The following VANGL1 variants were observed in gnomAD, a reference collection of about 807,000 sequenced individuals.
VANGL1 encodes the protein vang-like protein 1.
In VANGL1, 18 loss-of-function variants were observed where a neutral mutation model predicts 48.4. The observed-to-expected ratio is 0.37, with a 90% CI of 0.26 to 0.55. The LOEUF is 0.55. Ranked by LOEUF, VANGL1 falls within the 20% of genes least tolerant of loss-of-function variation. The probability of loss-of-function intolerance (pLI) is 0.81; values close to 1 mark genes in which losing one functional copy is unlikely to be tolerated. For missense variants in VANGL1, 667 were observed against 675.8 expected (o/e 0.99, Z 0.14); for synonymous variants, 257 against 261.8 (o/e 0.98, Z 0.18).
At chr1:115,663,198 A>C (rs894052232) in intron 3 of VANGL1, among the ~76,000 whole-genome samples, 18 of 152,290 alleles carry the variant, frequency 1.2e-4, no homozygotes, top group African/African-American at 4.1e-4. Flanking sequence ...AGGGTGTAGT[A>C]ATACTCCCAC....
intron 4 of VANGL1, among the ~76,000 whole-genome samples, chr1:115,678,324 G>A (rs1557772702): frequency 6.6e-6 from 1 of 152,216 alleles, no homozygotes; most frequent in Non-Finnish European, 1.5e-5. Context: ...AGGAATCAAG[G>A]CAAGAGGAAT....
intron 7 of VANGL1, among the ~76,000 whole-genome samples, chr1:115,687,179 T>C (rs1368332008): frequency 7.2e-6 from 1 of 139,174 alleles, no homozygotes; most frequent in African/African-American, 2.7e-5. Context: ...TACAATCATA[T>C]ATACACATGA....
chr1:115,659,891 TTA>T, intron 3 of VANGL1, 118 bp downstream of exon 3: 1 of 1,386,326 alleles, frequency 7.2e-7, no homozygotes, highest in Non-Finnish European at 1.0e-6. Context: ...GCTAATTAGT[TTA>T]TCTATGTCCC....
intron 6 of VANGL1, 27 bp downstream of exon 6, chr1:115,684,103 C>T (rs1653502908): frequency 6.2e-7 from 1 of 1,608,148 alleles, no homozygotes; most frequent in Non-Finnish European, 8.5e-7. Flanking sequence ...ATGCCAGTAC[C>T]CTCTTACAGA....
chr1:115,642,557 C>T (rs894278241), intron 1 of VANGL1: 3 of 152,298 alleles, frequency 2.0e-5, no homozygotes, highest in Admixed American at 1.3e-4. Flanking sequence ...GTTCCCACCC[C>T]TGGCGGGGCT....
chr1:115,684,521 G>T (rs1411027603), intron 6 of VANGL1, among the ~76,000 whole-genome samples: 4 of 152,138 alleles, frequency 2.6e-5, no homozygotes, highest in Non-Finnish European at 5.9e-5. Context: ...GACACCTTTG[G>T]AGTGCACCTT....
At chr1:115,686,823 C>T (rs61797703) in intron 7 of VANGL1, among the ~76,000 whole-genome samples, 6 of 152,156 alleles carry the variant, frequency 3.9e-5, no homozygotes, top group African/African-American at 1.2e-4. Flanking sequence ...AAGCACATCA[C>T]GTGAATTAAC....
intron 4 of VANGL1, among the ~76,000 whole-genome samples, chr1:115,669,265 CT>C (rs1457183266): frequency 1.3e-5 from 2 of 152,174 alleles, no homozygotes; most frequent in African/African-American, 4.8e-5. Context: ...GTGACCCATT[CT>C]ATAGGATATT....
At chr1:115,666,641 C>T (rs965468137) in intron 4 of VANGL1, among the ~76,000 whole-genome samples, 6 of 152,196 alleles carry the variant, frequency 3.9e-5, no homozygotes, top group African/African-American at 1.4e-4. Context: ...TGCCCATCTG[C>T]CCTGGGGAGA....
intron 4 of VANGL1, among the ~76,000 whole-genome samples, chr1:115,680,186 G>A (rs1341089276): frequency 6.6e-6 from 1 of 152,124 alleles, no homozygotes; most frequent in Non-Finnish European, 1.5e-5. Context: ...GAGACCTTCA[G>A]GGCAAGCAGA....
intron 4 of VANGL1, among the ~76,000 whole-genome samples, chr1:115,681,445 G>A (rs2101026486): frequency 6.6e-6 from 1 of 152,084 alleles, no homozygotes; most frequent in African/African-American, 2.4e-5. Context: ...AGCACTCCAA[G>A]GGGCAGGGGG....
intron 1 of VANGL1, 46 bp from the exon 2 acceptor site, chr1:115,651,231 G>T: frequency 1.6e-6 from 1 of 609,766 alleles, no homozygotes; most frequent in Non-Finnish European, 2.9e-6. Flanking sequence ...CCCCATTAAG[G>T]TTGGCTCTGA....
intron 1 of VANGL1, among the ~76,000 whole-genome samples, chr1:115,644,558 G>A (rs750621794): frequency 6.6e-6 from 1 of 152,220 alleles, no homozygotes; most frequent in Non-Finnish European, 1.5e-5. Flanking sequence ...TAGCAGTATT[G>A]AAGTTTGATG....
rs1008643956 is a variant in VANGL1, at chr1:115,688,922, TG to T, written c.1315-2194del. Among the ~76,000 whole-genome samples the T allele has an allele frequency of 4.5e-5, 6 of 134,680 alleles. 1 individual carries two copies. The highest frequency in any genetic ancestry group is 9.6e-5 in the Non-Finnish European group (6 of 62,256). 88.4% of individuals were successfully genotyped at this position (134,680 alleles called of 152,430 possible). On this transcript the variant is annotated intron_variant, in intron 7 of 7. Coordinates refer to ENST00000355485, the MANE Select transcript of VANGL1 (RefSeq NM_138959.3). ...CTCCTGCCTCAGCCTCCCGAGTAAC[TG>T]GGACTACAGGCGCCCACCACCACGC...
chr1:115,691,200 G>A lies in VANGL1; in HGVS notation c.1396G>A (p.Val466Ile). The A allele has an allele frequency of 6.2e-7, 1 of 1,613,930 alleles. No individual in the cohort carries two copies. The highest frequency in any genetic ancestry group is 8.5e-7 in the Non-Finnish European group (1 of 1,179,852). The change falls in exon 8 of 8, where the codon GTC becomes ATC. Residue 466 changes from valine to isoleucine, a missense_variant. Transcript: ENST00000355485. The stretch of plus-strand genomic sequence containing the variant: ...CTGGCTCTCTACACAGTGGAGGCTT[G>A]TCAGTGATGAGGCTGTGACTAATGG... ...DRWLSTQWRLVSDEAVTNGLR... is the reference protein window; with the variant it reads ...DRWLSTQWRLISDEAVTNGLR...
intron 4 of VANGL1, 78 bp downstream of exon 4, chr1:115,664,346 G>A (rs1007985675): frequency 6.4e-7 from 1 of 1,553,970 alleles, no homozygotes; most frequent in Admixed American, 1.9e-5. Flanking sequence ...CACGTGAGGG[G>A]TGGTGACAGA....
chr1:115,697,774 G>C lies in VANGL1; in HGVS notation c.*6395G>C, dbSNP rs1424476545. On this transcript the variant is annotated 3_prime_UTR_variant, in exon 8 of 8. Transcript: ENST00000355485. ...TTACCTGACAGAGTCATAACGGTTTGTGTAAAAATGTGGTCAGGGACCTTT... is the reference window on the plus strand; with the variant it reads ...TTACCTGACAGAGTCATAACGGTTTCTGTAAAAATGTGGTCAGGGACCTTT... 1 of 152,224 alleles carries C rather than the reference G, an allele frequency of 6.6e-6. No homozygotes were observed. The highest frequency in any genetic ancestry group is 1.9e-4 in the East Asian group (1 of 5,200). 9.4% of individuals were successfully genotyped at this position (152,224 alleles called of 1,614,324 possible). A position where few individuals can be genotyped will look rare whatever the true frequency, so the allele number is the denominator to read the frequency against.
At chr1:115,683,781 G>A (rs1405029950) in intron 5 of VANGL1, among the ~76,000 whole-genome samples, 163 bp from the exon 6 acceptor site, 3 of 152,224 alleles carry the variant, frequency 2.0e-5, no homozygotes, top group African/African-American at 7.2e-5. Flanking sequence ...TGAATGTGGA[G>A]CCGGGGCACA....
chr1:115,653,621 GC>G (rs2101311458), intron 2 of VANGL1, among the ~76,000 whole-genome samples: 1 of 152,238 alleles, frequency 6.6e-6, no homozygotes, highest in African/African-American at 2.4e-5. Flanking sequence ...ACGCTTCGGG[GC>G]CCATTGCTAC....
Sources: gnomAD v4.1 joint callset for allele counts (sites outside exome capture counted in the v4.1 genomes callset) on GRCh38, gnomAD v4.1.1 for gene constraint, MANE v1.5 for transcripts, NCBI Gene and HGNC (gene_info 2026-07-23, HGNC 2026-07-21) for gene names.